The following RB1 variants were observed in gnomAD, a reference collection of about 807,000 sequenced individuals.
RB1 encodes the protein RB transcriptional corepressor 1.
A neutral mutation model predicts 135.4 loss-of-function variants in RB1; 18 were observed. That is an observed-to-expected ratio of 0.13 (90% CI 0.09 to 0.20). The LOEUF (loss-of-function observed/expected upper bound fraction) is 0.20. Among genes scored for constraint, RB1 ranks in the 10% least tolerant of loss-of-function variants. The pLI is 1.00. For synonymous variants in RB1, 365 were observed against 373.2 expected, an observed-to-expected ratio of 0.98 and a Z score of 0.25; for missense variants, 868 against 1,110.0, an observed-to-expected ratio of 0.78 and a Z score of 3.10.
At chr13:48,410,545 C>T (rs893393441) in intron 17 of RB1, among the ~76,000 whole-genome samples, 1 of 152,130 alleles carries the variant, frequency 6.6e-6, no homozygotes, top group East Asian at 1.9e-4. Flanking sequence ...TTTCTCCGAC[C>T]TAACATACTT....
At chr13:48,310,644 AT>A (rs966816829) in intron 2 of RB1, among the ~76,000 whole-genome samples, 6 of 150,738 alleles carry the variant, frequency 4.0e-5, no homozygotes, top group African/African-American at 1.5e-4. Context: ...TCATTGATGT[AT>A]TTTTTTTTAG....
At chr13:48,321,851 C>T in intron 2 of RB1, among the ~76,000 whole-genome samples, 1 of 151,402 alleles carries the variant, frequency 6.6e-6, no homozygotes. Flanking sequence ...AGTGAAACTG[C>T]ATTGCAAAAA....
intron 20 of RB1, among the ~76,000 whole-genome samples, chr13:48,461,803 T>C (rs1949407054): frequency 6.6e-6 from 1 of 152,166 alleles, no homozygotes; most frequent in Non-Finnish European, 1.5e-5. Flanking sequence ...GAGAAATGTC[T>C]ATCAGACCGT....
intron 23 of RB1, among the ~76,000 whole-genome samples, chr13:48,471,599 T>C (rs192766762): frequency 2.7e-5 from 4 of 147,380 alleles, no homozygotes; most frequent in Non-Finnish European, 4.5e-5. Flanking sequence ...AAAATCTATT[T>C]ACTTGGATGG....
intron 6 of RB1, among the ~76,000 whole-genome samples, chr13:48,359,494 T>G (rs1346572858): frequency 6.7e-6 from 1 of 148,196 alleles, no homozygotes; most frequent in Non-Finnish European, 1.5e-5. Flanking sequence ...TCATTGGAAT[T>G]AGAATAAATT....
rs1347506622 is a variant in RB1 at position 48,381,398 on chromosome 13, A to G, written c.1650A>G (p.Leu550=). Residue 550 remains leucine, a synonymous_variant, in exon 17 of 27, where the codon TTA becomes TTG. Coordinates refer to ENST00000267163, the MANE Select transcript of RB1 (RefSeq NM_000321.3). Reference sequence around the variant, plus strand: ...TGACAAGAGAAATGATAAAACATTTAGAACGATGTGAACATCGAATCATGG... The same window carrying G: ...TGACAAGAGAAATGATAAAACATTTGGAACGATGTGAACATCGAATCATGG... ...GNLTREMIKH[L]ERCEHRIMES... The G allele has an allele frequency of 6.2e-7, 1 of 1,613,672 alleles. No individual in the cohort carries two copies. Among genetic ancestry groups the G allele is most frequent in the South Asian group, 1.1e-5 (1 of 91,040 alleles).
At chr13:48,340,477 T>C (rs1952432356) in intron 2 of RB1, among the ~76,000 whole-genome samples, 1 of 152,100 alleles carries the variant, frequency 6.6e-6, no homozygotes, top group Non-Finnish European at 1.5e-5. Context: ...TGTTTCATTG[T>C]TTTGACTACT....
chr13:48,456,091 A>C, intron 18 of RB1, 113 bp from the exon 19 acceptor site: 2 of 1,533,062 alleles, frequency 1.3e-6, no homozygotes, highest in South Asian at 1.3e-5. Context: ...ATAGTCTGCT[A>C]TAATACCAAT....
intron 6 of RB1, among the ~76,000 whole-genome samples, chr13:48,353,551 C>T (rs1403192756): frequency 1.3e-5 from 2 of 152,034 alleles, no homozygotes; most frequent in Non-Finnish European, 2.9e-5. Flanking sequence ...TTACAGTATT[C>T]TGGAAAATAG....
At position 48,430,233 on chromosome 13, in the gene RB1, A is replaced by C. The variant is rs116868871; in HGVS notation, c.1696-22760A>C. Among the ~76,000 whole-genome samples the C allele has an allele frequency of 3.7e-4, 56 of 152,352 alleles. No individual in the cohort carries two copies. The East Asian group carries it at 0.011, about 29-fold the overall frequency. On this transcript the variant is annotated intron_variant, in intron 17 of 26. Coordinates refer to ENST00000267163, the MANE Select transcript of RB1 (RefSeq NM_000321.3). The stretch of plus-strand genomic sequence containing the variant: ...CATACCCAGGGGAATTTAATGTATG[A>C]TAATTTATCCACTTCAAATCAGTGG...
intron 17 of RB1, among the ~76,000 whole-genome samples, chr13:48,438,756 A>AT: frequency 6.6e-6 from 1 of 152,202 alleles, no homozygotes; most frequent in African/African-American, 2.4e-5. Context: ...TGAGAATTAA[A>AT]TAATATAAGT....
chr13:48,363,049 G>A, intron 8 of RB1, 92 bp downstream of exon 8: 2 of 1,476,374 alleles, frequency 1.4e-6, no homozygotes, highest in Non-Finnish European at 9.3e-7. Flanking sequence ...TTATGAGCAT[G>A]TTTTTTTTGT....
At chr13:48,393,770 T>A (rs769775814) in intron 17 of RB1, among the ~76,000 whole-genome samples, 1 of 152,006 alleles carries the variant, frequency 6.6e-6, no homozygotes. Flanking sequence ...AACTATTTTT[T>A]TGTATTAAAT....
At chr13:48,431,655 C>T (rs1006479603) in intron 17 of RB1, among the ~76,000 whole-genome samples, 13 of 152,062 alleles carry the variant, frequency 8.5e-5, no homozygotes, top group African/African-American at 2.9e-4. Flanking sequence ...CTAGAAGATA[C>T]GAGCACTACT....
intron 23 of RB1, among the ~76,000 whole-genome samples, chr13:48,472,200 A>G (rs1422289300): frequency 2.6e-5 from 4 of 152,214 alleles, no homozygotes; most frequent in Non-Finnish European, 4.4e-5. Context: ...GGTTGTACCT[A>G]ATGGGCAAGA....
At chr13:48,433,900 C>CT (rs1258772446) in intron 17 of RB1, among the ~76,000 whole-genome samples, 2 of 151,492 alleles carry the variant, frequency 1.3e-5, no homozygotes, top group Admixed American at 6.6e-5. Context: ...TACATATATA[C>CT]TTTTTTTCAG....
chr13:48,347,599 C>T (rs949563703), intron 4 of RB1, among the ~76,000 whole-genome samples: 4 of 151,894 alleles, frequency 2.6e-5, no homozygotes, highest in Non-Finnish European at 4.4e-5. Context: ...CTTATTTATA[C>T]CTTTTTTTTG....
At chr13:48,454,255 TG>T (rs1241826939) in intron 18 of RB1, among the ~76,000 whole-genome samples, 1 of 152,212 alleles carries the variant, frequency 6.6e-6, no homozygotes, top group Non-Finnish European at 1.5e-5. Flanking sequence ...TTCACAGAAA[TG>T]TGCCTAATAT....
chr13:48,453,749 A>C (rs150448013), intron 18 of RB1, among the ~76,000 whole-genome samples: 12 of 152,332 alleles, frequency 7.9e-5, no homozygotes, highest in Non-Finnish European at 1.8e-4. Flanking sequence ...GAGGGGAAAG[A>C]AAAAGGGTAT....
Sources: allele counts gnomAD v4.1 joint callset (sites outside exome capture counted in the v4.1 genomes callset), GRCh38; gene constraint gnomAD v4.1.1; transcripts MANE v1.5; gene names NCBI Gene and HGNC (gene_info 2026-07-23, HGNC 2026-07-21).